The following GATAD1 variants were observed in gnomAD, a reference collection of about 807,000 sequenced individuals.
GATAD1 encodes GATA zinc finger domain containing 1.
A neutral mutation model predicts 26.5 loss-of-function variants in GATAD1; 12 were observed. The observed-to-expected ratio is 0.45, with a 90% confidence interval of 0.29 to 0.73. GATAD1 has a LOEUF of 0.73. Among genes scored for constraint, GATAD1 ranks in the 30% least tolerant of loss-of-function variants. GATAD1 has a pLI of 0.10. For missense variants in GATAD1, 266 were observed against 342.1 expected (o/e 0.78, Z 1.75); for synonymous variants, 129 against 133.1 (o/e 0.97, Z 0.21).
chr7:92,493,150 T>C, the GATAD1 span: 4 of 1,388,488 alleles, frequency 2.9e-6, no homozygotes, highest in African/African-American at 5.7e-5. Context: ...AAAAATTTAT[T>C]TAACAAATAA....
Position 92,457,808 on chromosome 7 carries a change from A to G in GATAD1, c.*1246A>G, listed in dbSNP as rs1237082627. 1 of 152,194 alleles carries G rather than the reference A, an allele frequency of 6.6e-6. No individual in the cohort carries two copies. Among genetic ancestry groups the G allele is most frequent in the Non-Finnish European group, 1.5e-5 (1 of 68,038 alleles). The allele number at this position is 152,194 out of a possible 1,614,324, so 9.4% of individuals were successfully genotyped here. A position where few individuals can be genotyped will look rare whatever the true frequency, so the allele number is the denominator to read the frequency against. On this transcript the variant is annotated 3_prime_UTR_variant, in exon 5 of 5. Coordinates refer to ENST00000287957, the MANE Select transcript of GATAD1 (RefSeq NM_021167.5). ...GGCTGCTTTAACCATAAGAAAAATGATTGGTGGATGATTTTATTAGCCCAG... is the reference window on the plus strand; with the variant it reads ...GGCTGCTTTAACCATAAGAAAAATGGTTGGTGGATGATTTTATTAGCCCAG...
At chr7:92,460,238 C>T (rs1273326595), downstream of GATAD1, among the ~76,000 whole-genome samples, 8 of 152,168 alleles carry the variant, frequency 5.3e-5, no homozygotes, top group South Asian at 4.1e-4. Context: ...ACATTGCACA[C>T]GCTTAGAATG....
the GATAD1 span, among the ~76,000 whole-genome samples, chr7:92,479,470 G>A: frequency 1.3e-5 from 2 of 152,184 alleles, no homozygotes; most frequent in Non-Finnish European, 2.9e-5. Context: ...AATGTCATCG[G>A]TTAAGGCAGG....
At chr7:92,449,045 C>T in intron 2 of GATAD1, 168 bp downstream of exon 2, 1 of 1,028,220 alleles carries the variant, frequency 9.7e-7, no homozygotes, top group South Asian at 1.9e-5. Flanking sequence ...TTGCAGGAGG[C>T]TCACTGTTTA....
chr7:92,488,193 T>C, the GATAD1 span, among the ~76,000 whole-genome samples: 3 of 152,326 alleles, frequency 2.0e-5, no homozygotes, highest in South Asian at 4.1e-4. Context: ...GACTGCTATA[T>C]AGCAATATGT....
the GATAD1 span, chr7:92,469,570 A>G: frequency 2.6e-6 from 2 of 764,952 alleles, no homozygotes; most frequent in East Asian, 2.4e-5. Flanking sequence ...GGTACCACAG[A>G]CAAAAAATAT....
At chr7:92,468,675 A>G in the GATAD1 span, 8 of 623,068 alleles carry the variant, frequency 1.3e-5, no homozygotes, top group Admixed American at 5.7e-5. Flanking sequence ...ATTCTTAGTC[A>G]GCCTAGGAAA....
chr7:92,462,742 G>A (rs1265103587), downstream of GATAD1, among the ~76,000 whole-genome samples: 1 of 152,198 alleles, frequency 6.6e-6, no homozygotes, highest in Non-Finnish European at 1.5e-5. Context: ...CCGCATAGTG[G>A]AATTAGTGTC....
chr7:92,448,823 A>G lies in GATAD1; in HGVS notation c.321A>G (p.Glu107=), dbSNP rs755701985. The change falls in exon 2 of 5, where the codon GAA becomes GAG. Residue 107 remains glutamate, a synonymous_variant. Coordinates refer to ENST00000287957, the MANE Select transcript of GATAD1 (RefSeq NM_021167.5). ...NTKYKSAPAA[E]KKVSTKGKGR... ...AATACAAATCTGCTCCGGCTGCTGAAAAGAAAGTCTCCACCAAAGGAAAAG... is the reference window on the plus strand; with the variant it reads ...AATACAAATCTGCTCCGGCTGCTGAGAAGAAAGTCTCCACCAAAGGAAAAG... The G allele has an allele frequency of 6.2e-7, 1 of 1,611,778 alleles. No homozygotes were observed. Among genetic ancestry groups the G allele is most frequent in the Non-Finnish European group, 8.5e-7 (1 of 1,177,838 alleles).
At chr7:92,465,575 G>A in the GATAD1 span, among the ~76,000 whole-genome samples, 3 of 150,618 alleles carry the variant, frequency 2.0e-5, no homozygotes, top group South Asian at 2.1e-4. Context: ...CCAAGATCAC[G>A]CCATTGCACT....
At chr7:92,455,366 A>C (rs1789627378) in intron 4 of GATAD1, among the ~76,000 whole-genome samples, 1 of 152,220 alleles carries the variant, frequency 6.6e-6, no homozygotes, top group Non-Finnish European at 1.5e-5. Context: ...TTATTTATAC[A>C]AACCTATTCA....
chr7:92,468,856 C>G, the GATAD1 span: 2 of 764,332 alleles, frequency 2.6e-6, no homozygotes, highest in Non-Finnish European at 4.8e-6. Flanking sequence ...AACATCAGAT[C>G]GTGGGCTAGC....
At chr7:92,494,051 A>ATTTTTTT in the GATAD1 span, 1 of 464,132 alleles carries the variant, frequency 2.2e-6, no homozygotes, top group Non-Finnish European at 3.9e-6. Context: ...GGTTTCTTGC[A>ATTTTTTT]TTTTTTTTTC....
intron 2 of GATAD1, chr7:92,450,347 ATTTTCT>A (rs1789374634): frequency 4.8e-6 from 1 of 208,194 alleles, no homozygotes; most frequent in South Asian, 9.7e-5. Context: ...TCATCTGTAC[ATTTTCT>A]GTTACTTGCA....
At chr7:92,483,881 G>A in the GATAD1 span, among the ~76,000 whole-genome samples, 38 of 152,122 alleles carry the variant, frequency 2.5e-4, no homozygotes, top group Non-Finnish European at 4.1e-4. Flanking sequence ...GGAGCAGCCT[G>A]GGGAGGAGGG....
chr7:92,472,519 A>T, the GATAD1 span: 1 of 152,220 alleles, frequency 6.6e-6, no homozygotes, highest in Non-Finnish European at 1.5e-5. Context: ...ACATATGAAG[A>T]AAAGTCTTGC....
downstream of GATAD1, among the ~76,000 whole-genome samples, chr7:92,463,688 C>G (rs1036368464): frequency 7.0e-6 from 1 of 143,606 alleles, no homozygotes; most frequent in Admixed American, 7.1e-5. Context: ...AAGGTTGATA[C>G]CTGGGTGCGG....
the GATAD1 span, chr7:92,486,906 G>C: frequency 2.0e-5 from 3 of 152,254 alleles, no homozygotes; most frequent in Non-Finnish European, 2.9e-5. Flanking sequence ...CTTGGGCTTG[G>C]AGCTGGATGT....
chr7:92,449,147 T>G, intron 2 of GATAD1: 1 of 1,118,554 alleles, frequency 8.9e-7, no homozygotes, highest in South Asian at 3.3e-5. Context: ...AACATCAACC[T>G]TGAGCCCATT....
Sources: gnomAD v4.1 joint callset for allele counts (sites outside exome capture counted in the v4.1 genomes callset) on GRCh38, gnomAD v4.1.1 for gene constraint, MANE v1.5 for transcripts, NCBI Gene and HGNC (gene_info 2026-07-23, HGNC 2026-07-21) for gene names.